CDC5L: variants seen among roughly 807,000 people sequenced by gnomAD.
The protein encoded by CDC5L is cell division cycle 5 like, also known as cell division cycle 5-like protein.
Under a neutral mutation model 104.1 loss-of-function variants are expected in CDC5L, and 18 were observed. The ratio of observed to expected loss-of-function variants is 0.17; its 90% CI spans 0.12 to 0.26. The LOEUF is 0.26. Ranked by LOEUF, CDC5L falls within the 10% of genes least tolerant of loss-of-function variation. The pLI, the probability that CDC5L is intolerant of heterozygous loss-of-function variation, is 1.00. For missense variants in CDC5L, 673 were observed against 956.9 expected, an observed-to-expected ratio of 0.70 and a Z score of 3.91; for synonymous variants, 331 against 322.7, an observed-to-expected ratio of 1.03 and a Z score of -0.28.
intron 8 of CDC5L, among the ~76,000 whole-genome samples, chr6:44,409,217 C>T (rs1170990107): frequency 6.6e-6 from 1 of 152,194 alleles, no homozygotes; most frequent in Non-Finnish European, 1.5e-5. Flanking sequence ...ACACTTGTGC[C>T]CCTCATCCGT....
At chr6:44,395,887 A>G (rs955998806) in intron 4 of CDC5L, among the ~76,000 whole-genome samples, 5 of 152,226 alleles carry the variant, frequency 3.3e-5, no homozygotes, top group African/African-American at 9.6e-5. Context: ...AGGGGAAAAA[A>G]AAGTATCTAA....
chr6:44,407,436 C>T (rs528792478), intron 7 of CDC5L, among the ~76,000 whole-genome samples: 4 of 152,138 alleles, frequency 2.6e-5, no homozygotes, highest in East Asian at 1.9e-4. Flanking sequence ...AAGCGATTCT[C>T]CTGCCTCAGC....
At chr6:44,441,454 A>G (rs180675908) in intron 14 of CDC5L, among the ~76,000 whole-genome samples, 15 of 152,354 alleles carry the variant, frequency 9.8e-5, no homozygotes, top group Admixed American at 2.6e-4. Context: ...ACTGATTTCA[A>G]TTCCTTTGGA....
At chr6:44,411,637 A>AGTGTGTGTGTGTGTGTGT (rs55826820) in intron 8 of CDC5L, among the ~76,000 whole-genome samples, 1,573 of 123,658 alleles carry the variant, frequency 0.013, 37 homozygotes, top group East Asian at 0.056. Context: ...AGAGAGAGAG[A>AGTGTGTGTGTGTGTGTGT]GTGTGTGTGT....
chr6:44,402,288 C>G (rs1791166985), intron 5 of CDC5L, among the ~76,000 whole-genome samples: 1 of 151,528 alleles, frequency 6.6e-6, no homozygotes, highest in African/African-American at 2.4e-5. Flanking sequence ...AAAAGTGTTC[C>G]TATTTCTCCA....
chr6:44,426,114 T>G lies in CDC5L; in HGVS notation c.1581T>G (p.Asp527Glu), dbSNP rs758812906. The change falls in exon 12 of 16, where the codon GAT becomes GAG. Residue 527 changes from aspartate (D) to glutamate (E), a missense_variant. By Grantham distance (45) the Asp-to-Glu change is conservative. Coordinates refer to ENST00000371477, the MANE Select transcript of CDC5L (RefSeq NM_001253.4). ...DVDARKQAIR[D>E]AERVKEMKRM... ...AAATCATTTTTTAGGCCATACGAGA[T>G]GCAGAGCGTGTAAAGGAAATGAAAC... The G allele has an allele frequency of 1.9e-6, 3 of 1,602,076 alleles. No individual in the cohort carries two copies. Among genetic ancestry groups the G allele is most frequent in the Non-Finnish European group, 2.6e-6 (3 of 1,172,984 alleles).
rs767022374 is a variant in CDC5L, at chr6:44,422,697, C to T, written c.1292C>T (p.Pro431Leu). Reference sequence around the variant, plus strand: ...CTGACTCCCCGGAGTGGAACAACTCCCAAACCAGTTATTAACTCTACTCCG... The same window carrying T: ...CTGACTCCCCGGAGTGGAACAACTCTCAAACCAGTTATTAACTCTACTCCG... ...EGLTPRSGTT[P>L]KPVINSTPGR... Residue 431 changes from proline to leucine, a missense_variant, in exon 10 of 16, where the codon CCC becomes CTC. Physicochemically the swap from Pro to Leu is moderately conservative, Grantham distance 98 (BLOSUM62 -3). This residue lies in a region of CDC5L where 578 missense variants were observed against 737.0 expected (regional missense o/e 0.78). Transcript: ENST00000371477. The T allele has an allele frequency of 2.5e-6, 4 of 1,612,878 alleles. No individual in the cohort carries two copies. The highest frequency in any genetic ancestry group is 2.2e-5 in the East Asian group (1 of 44,848).
chr6:44,439,075 A>G (rs912095482), intron 14 of CDC5L, among the ~76,000 whole-genome samples: 6 of 152,104 alleles, frequency 3.9e-5, no homozygotes, highest in Non-Finnish European at 7.4e-5. Context: ...AGATTTGCCT[A>G]TTTTGGATAT....
chr6:44,390,440 T>C (rs750783780), intron 2 of CDC5L, 69 bp downstream of exon 2: 18 of 963,750 alleles, frequency 1.9e-5, no homozygotes, highest in East Asian at 5.2e-5. Flanking sequence ...ATGTCAACTC[T>C]GTGAACCTTA....
chr6:44,402,000 C>T (rs534057593), intron 5 of CDC5L, among the ~76,000 whole-genome samples: 5 of 133,112 alleles, frequency 3.8e-5, no homozygotes, highest in Non-Finnish European at 8.0e-5. Flanking sequence ...TTTTTTATGG[C>T]TGCATAGTAT....
chr6:44,390,772 TG>T (rs1790552627), intron 2 of CDC5L, among the ~76,000 whole-genome samples: 1 of 152,038 alleles, frequency 6.6e-6, no homozygotes, highest in Non-Finnish European at 1.5e-5. Flanking sequence ...AGAAATTACT[TG>T]CTCAAAGAAA....
chr6:44,414,391 TG>T (rs1791812068), intron 8 of CDC5L, among the ~76,000 whole-genome samples: 130 of 116,620 alleles, frequency 1.1e-3, no homozygotes, highest in African/African-American at 4.2e-3. Context: ...CCTGTGTGTG[TG>T]TGTGTGTGTG....
rs181483489 is a variant in CDC5L at position 44,437,485 on chromosome 6, T to G, written c.2091+7575T>G. 5.4e-3 allele frequency among the ~76,000 whole-genome samples: 818 copies of G among 152,378 alleles called. 4 individuals carry two copies. The highest frequency in any genetic ancestry group is 7.5e-3 in the Non-Finnish European group (513 of 68,034). ...TAATTTTTTTCTGTGCTTAAGTTAA[T>G]TTTTGTACAATTTATGTCCATATTT... On this transcript the variant is annotated intron_variant, in intron 14 of 15. Transcript: ENST00000371477.
intron 9 of CDC5L, among the ~76,000 whole-genome samples, chr6:44,420,937 G>A (rs866068443): frequency 6.6e-6 from 1 of 152,060 alleles, no homozygotes; most frequent in African/African-American, 2.4e-5. Flanking sequence ...CTCCTCCCTT[G>A]TATCTTTAAA....
In CDC5L at chr6:44,449,414, G is replaced by A. The variant is rs1258961916; in HGVS notation, c.*2703G>A. On this transcript the variant is annotated 3_prime_UTR_variant, in exon 16 of 16. Transcript: ENST00000371477. The stretch of plus-strand genomic sequence containing the variant: ...TCATGCCTGTAATCCTAGCACTTTG[G>A]GAGGCCAAGGTGGGAGGATCATTTG... 3 of 152,176 alleles carry A rather than the reference G, an allele frequency of 2.0e-5. No individual in the cohort carries two copies. The East Asian group carries it at 5.8e-4, about 29-fold the overall frequency. 9.4% of individuals were successfully genotyped at this position (152,176 alleles called of 1,614,324 possible).
chr6:44,395,682 A>G (rs892542403), intron 4 of CDC5L, among the ~76,000 whole-genome samples: 1 of 152,230 alleles, frequency 6.6e-6, no homozygotes, highest in Non-Finnish European at 1.5e-5. Context: ...TCCTGTATAT[A>G]CTGAGTCAGT....
rs372141515 is a variant in CDC5L at position 44,393,558 on chromosome 6, A to G, written c.424A>G (p.Ile142Val). ...PETKPARPDP[I>V]DMDEDELEML... Reference sequence around the variant, plus strand: ...AACAAAACCAGCGCGGCCTGATCCAATTGATATGGATGAGGGTAAGTGTAT... The same window carrying G: ...AACAAAACCAGCGCGGCCTGATCCAGTTGATATGGATGAGGGTAAGTGTAT... Residue 142 changes from isoleucine (I) to valine (V), a missense_variant, in exon 4 of 16, where the codon ATT becomes GTT. Ile to Val is a conservative substitution (Grantham distance 29). This residue lies in a region of CDC5L where 74 missense variants were observed against 123.5 expected (regional missense o/e 0.60). Coordinates refer to ENST00000371477, the MANE Select transcript of CDC5L (RefSeq NM_001253.4). The G allele has an allele frequency of 2.7e-5, 44 of 1,613,590 alleles. No homozygotes were observed. The highest frequency in any genetic ancestry group is 4.0e-5 in the African/African-American group (3 of 74,892).
chr6:44,441,589 G>C (rs1375759199), intron 14 of CDC5L, among the ~76,000 whole-genome samples: 1 of 151,998 alleles, frequency 6.6e-6, no homozygotes, highest in East Asian at 1.9e-4. Flanking sequence ...AGTGAACAGG[G>C]GTTCTCTTTT....
Position 44,426,696 on chromosome 6 carries a change from A to G in CDC5L, c.1865A>G (p.Glu622Gly). The G allele has an allele frequency of 3.1e-6, 5 of 1,612,874 alleles. No individual in the cohort carries two copies. The highest frequency in any genetic ancestry group is 4.2e-6 in the Non-Finnish European group (5 of 1,179,336). Residue 622 changes from glutamate (E) to glycine (G), a missense_variant, in exon 13 of 16, where the codon GAA becomes GGA. Glu to Gly is a moderately conservative substitution (Grantham distance 98, BLOSUM62 -2). Coordinates refer to ENST00000371477, the MANE Select transcript of CDC5L (RefSeq NM_001253.4). ...HITYLEHNPYEKFSKEELKKA... is the reference protein window; with the variant it reads ...HITYLEHNPYGKFSKEELKKA... ...ACCTATCTGGAACATAATCCTTATGAAAAGTTCTCCAAAGAAGAGCTGAAA... is the reference window on the plus strand; with the variant it reads ...ACCTATCTGGAACATAATCCTTATGGAAAGTTCTCCAAAGAAGAGCTGAAA...
Sources: gnomAD v4.1 joint callset for allele counts (sites outside exome capture counted in the v4.1 genomes callset) on GRCh38, gnomAD v4.1.1 for gene constraint, gnomAD v4.1.1 regional missense constraint, MANE v1.5 for transcripts, NCBI Gene and HGNC (gene_info 2026-07-23, HGNC 2026-07-21) for gene names.